The following ZBTB14 variants were observed in gnomAD, a reference collection of about 807,000 sequenced individuals.
The protein encoded by ZBTB14 is zinc finger and BTB domain containing 14, also known as zinc finger and BTB domain-containing protein 14.
ZBTB14 carries 8 observed loss-of-function variants against 29.5 expected under a neutral mutation model. That is an observed-to-expected ratio of 0.27 (90% CI 0.16 to 0.49). ZBTB14 has a LOEUF of 0.49. Ranked by LOEUF, ZBTB14 falls within the 20% of genes least tolerant of loss-of-function variation. The probability of loss-of-function intolerance (pLI) is 0.99; values close to 1 mark genes in which losing one functional copy is unlikely to be tolerated. For missense variants in ZBTB14, 333 were observed against 563.8 expected (o/e 0.59, Z 4.15); for synonymous variants, 226 against 207.2 (o/e 1.09, Z -0.78).
In ZBTB14 at chr18:5,289,860, C is replaced by T. The variant is rs1382853628; in HGVS notation, c.*998G>A. On this transcript the variant is annotated 3_prime_UTR_variant, in exon 4 of 4. Coordinates refer to ENST00000651870, the MANE Select transcript of ZBTB14 (RefSeq NM_001243702.2). ...ATTAATTTAAGTAAGCATACTGCATCTCCTTTATGGATAAATCATGTGCCC... is the reference window on the plus strand; with the variant it reads ...ATTAATTTAAGTAAGCATACTGCATTTCCTTTATGGATAAATCATGTGCCC... 1 of 152,574 alleles carries T rather than the reference C, an allele frequency of 6.6e-6. No individual in the cohort carries two copies. The highest frequency in any genetic ancestry group is 6.5e-5 in the Admixed American group (1 of 15,288). 9.5% of individuals were successfully genotyped at this position (152,574 alleles called of 1,614,324 possible). A position where few individuals can be genotyped will look rare whatever the true frequency, so the allele number is the denominator to read the frequency against.
At chr18:5,296,588 C>G (rs1315557129), upstream of ZBTB14, among the ~76,000 whole-genome samples, 1 of 152,054 alleles carries the variant, frequency 6.6e-6, no homozygotes, top group Admixed American at 6.5e-5. Context: ...GAGGCGCGCC[C>G]ACGGGTCTGC....
At chr18:5,295,115 G>A (rs925815819) in intron 1 of ZBTB14, among the ~76,000 whole-genome samples, 12 of 147,792 alleles carry the variant, frequency 8.1e-5, no homozygotes, top group African/African-American at 2.5e-5. Context: ...AGCGCGCAGG[G>A]AGGGACTGCG....
chr18:5,295,520 C>T (rs1009689272), intron 1 of ZBTB14, 132 bp downstream of exon 1: 2 of 144,346 alleles, frequency 1.4e-5, no homozygotes, highest in Non-Finnish European at 3.1e-5. Context: ...ACTCGGCCGC[C>T]GAGGCTCTGC....
chr18:5,290,797 A>G lies in ZBTB14; in HGVS notation c.*61T>C. On this transcript the variant is annotated 3_prime_UTR_variant, in exon 4 of 4. Coordinates refer to ENST00000651870, the MANE Select transcript of ZBTB14 (RefSeq NM_001243702.2). ...AAAATATTGTAACTGGCATTCACTC[A>G]TTATGATCCACGTCATCTCAGTCTC... 1 of 1,562,256 alleles carries G rather than the reference A, an allele frequency of 6.4e-7. No homozygotes were observed.
rs1056498275 is a variant in ZBTB14, at chr18:5,289,023, A to G, written c.*1835T>C. ...ATGAAAAAATGAAAAGAGGAATGAT[A>G]GAAGTATATTTTCTTTTATATACAA... On this transcript the variant is annotated 3_prime_UTR_variant, in exon 4 of 4. Coordinates refer to ENST00000651870, the MANE Select transcript of ZBTB14 (RefSeq NM_001243702.2). 5.3e-5 allele frequency: 8 copies of G among 152,240 alleles called. No individual in the cohort carries two copies. Among genetic ancestry groups the G allele is most frequent in the Non-Finnish European group, 8.8e-5 (6 of 68,040 alleles). 9.4% of individuals were successfully genotyped at this position (152,240 alleles called of 1,614,324 possible).
upstream of ZBTB14, chr18:5,297,043 G>A (rs1246128848): frequency 6.6e-6 from 1 of 151,754 alleles, no homozygotes; most frequent in African/African-American, 2.4e-5. Flanking sequence ...GCAATGCCGC[G>A]CCGCCTTAGA....
At chr18:5,295,993 C>G (rs936849693), upstream of ZBTB14, 1 of 151,648 alleles carries the variant, frequency 6.6e-6, no homozygotes, top group Non-Finnish European at 1.5e-5. Context: ...CTGATGGTAG[C>G]AGCCCTCCTC....
chr18:5,293,075 TA>T (rs1214574841), intron 3 of ZBTB14, among the ~76,000 whole-genome samples, 168 bp downstream of exon 3: 1 of 152,224 alleles, frequency 6.6e-6, no homozygotes, highest in Non-Finnish European at 1.5e-5. Flanking sequence ...CTGGTCATCT[TA>T]AAGCATTCTC....
In ZBTB14 at chr18:5,291,567, T is replaced by C. The variant is rs747974514; in HGVS notation, c.641A>G (p.Asn214Ser). 1.2e-6 allele frequency: 2 copies of C among 1,613,858 alleles called. No individual in the cohort carries two copies. Among genetic ancestry groups the C allele is most frequent in the South Asian group, 2.2e-5 (2 of 91,084 alleles). The stretch of plus-strand genomic sequence containing the variant: ...GGATTCTACTTCCTGGCCGTAGCAA[T>C]TGACCTTCCGAACTTCCTCACTCCC... ...ELGSEEVRKV[N>S]CYGQEVESME... The change falls in exon 4 of 4, where the codon AAT becomes AGT. Residue 214 changes from asparagine (N) to serine (S), a missense_variant. Transcript: ENST00000651870. This position sits in a 1 kb window ranked among gnomAD's most constrained non-coding sequence, Gnocchi z 5.8.
In ZBTB14 at chr18:5,293,238, A is replaced by G; in HGVS notation, c.3+6T>C. 6.2e-7 allele frequency: 1 copy of G among 1,613,286 alleles called. No homozygotes were observed. Among genetic ancestry groups the G allele is most frequent in the Non-Finnish European group, 8.5e-7 (1 of 1,179,670 alleles). ...ATCAAGATTTAATATCCAAAGTTAT[A>G]GTTACCATGAACAACTCAGGCTATT... On this transcript the variant is annotated splice_donor_region_variant and intron_variant, in intron 3 of 3. Coordinates refer to ENST00000651870, the MANE Select transcript of ZBTB14 (RefSeq NM_001243702.2).
rs1472959349 is a variant in ZBTB14 at position 5,292,124 on chromosome 18, T to C, written c.84A>G (p.Glu28=). The C allele has an allele frequency of 3.7e-6, 6 of 1,602,716 alleles. No individual in the cohort carries two copies. In the African/African-American group the frequency reaches 5.3e-5, roughly 14 times the overall value. The change falls in exon 4 of 4, where the codon GAA becomes GAG. Residue 28 remains glutamate, a synonymous_variant. Coordinates refer to ENST00000651870, the MANE Select transcript of ZBTB14 (RefSeq NM_001243702.2). ...HKTLFLKTLN[E]QRLEGEFCDI... is the part of the protein sequence containing the mutation. ...CACAAAATTCTCCTTCCAGGCGTTG[T>C]TCATTTAGTGTTTTCAGAAACAGAG...
At chr18:5,292,344 G>A in intron 3 of ZBTB14, 140 bp from the exon 4 acceptor site, 1 of 713,132 alleles carries the variant, frequency 1.4e-6, no homozygotes, top group Non-Finnish European at 2.2e-6. Flanking sequence ...TTGAATATGG[G>A]TAGAAAAGAC....
intron 1 of ZBTB14, among the ~76,000 whole-genome samples, chr18:5,294,504 T>C (rs1023684491): frequency 6.6e-6 from 1 of 152,116 alleles, no homozygotes; most frequent in Non-Finnish European, 1.5e-5. Flanking sequence ...CACTCGCCCC[T>C]CTCCCCTCTC....
chr18:5,293,361 G>A, intron 2 of ZBTB14, 34 bp from the exon 3 acceptor site: 4 of 1,075,306 alleles, frequency 3.7e-6, no homozygotes, highest in Non-Finnish European at 4.1e-6. Flanking sequence ...AATGAGGTAG[G>A]ATCTTCCTGT....
chr18:5,296,859 G>C (rs866562161), upstream of ZBTB14, among the ~76,000 whole-genome samples: 18 of 116,174 alleles, frequency 1.5e-4, no homozygotes, highest in African/African-American at 5.4e-4. Flanking sequence ...GGAGAGCTCT[G>C]ATAACTTGGC....
At chr18:5,292,817 G>A (rs556309549) in intron 3 of ZBTB14, among the ~76,000 whole-genome samples, 11 of 152,270 alleles carry the variant, frequency 7.2e-5, no homozygotes, top group South Asian at 2.1e-4. Context: ...ATATCCCATT[G>A]AGTGTTGTGT....
chr18:5,296,133 C>T (rs1024635046), upstream of ZBTB14: 4 of 151,678 alleles, frequency 2.6e-5, no homozygotes, highest in Non-Finnish European at 2.9e-5. Context: ...GACCGGGTCT[C>T]TAAGTGGGCG....
chr18:5,293,186 T>C, intron 3 of ZBTB14, 58 bp downstream of exon 3: 1 of 1,593,306 alleles, frequency 6.3e-7, no homozygotes, highest in East Asian at 2.2e-5. Context: ...GGTATATATA[T>C]TTTAAAGCAA....
chr18:5,291,460 C>G lies in ZBTB14; in HGVS notation c.748G>C (p.Asp250His). The G allele has an allele frequency of 6.2e-7, 1 of 1,614,206 alleles. No homozygotes were observed. Among genetic ancestry groups the G allele is most frequent in the East Asian group, 2.2e-5 (1 of 44,868 alleles). The change falls in exon 4 of 4, where the codon GAT becomes CAT. Residue 250 changes from aspartate (D) to histidine (H), a missense_variant. Around this residue, in one of 3 missense-constraint regions of ZBTB14, gnomAD observed 140 missense variants for 274.6 expected, o/e 0.51. Transcript: ENST00000651870. This position sits in a 1 kb window ranked among gnomAD's most constrained non-coding sequence, Gnocchi z 5.8. The stretch of plus-strand genomic sequence containing the variant: ...GTTGTCCAGCCTGGTGTCTGTTCAT[C>G]TTTCACTTCACTCATCCCATCATTA... ...TFNDGMSEVK[D>H]EQTPGWTTAA...
Sources: gnomAD v4.1 joint callset for allele counts (sites outside exome capture counted in the v4.1 genomes callset) on GRCh38, gnomAD v4.1.1 for gene constraint, gnomAD v4.1.1 regional missense constraint, Gnocchi (gnomAD v3.1) non-coding constraint, MANE v1.5 for transcripts, NCBI Gene and HGNC (gene_info 2026-07-23, HGNC 2026-07-21) for gene names.